The following BICD1 variants were observed in gnomAD, a reference collection of about 807,000 sequenced individuals.
BICD1 encodes the protein protein bicaudal D homolog 1.
BICD1 carries 35 observed loss-of-function variants against 92.5 expected under a neutral mutation model. The ratio of observed to expected loss-of-function variants is 0.38; its 90% confidence interval spans 0.29 to 0.50. The LOEUF (loss-of-function observed/expected upper bound fraction) is 0.50. BICD1 is among the 20% of genes least tolerant of loss of function. The pLI is 0.93. For synonymous variants in BICD1, 429 were observed against 465.1 expected (o/e 0.92, Z 1.00); for missense variants, 950 against 1,189.8 (o/e 0.80, Z 2.97).
rs140499922 is a variant in BICD1 at position 32,150,147 on chromosome 12, A to G, written c.213+42603A>G. Among the ~76,000 whole-genome samples the G allele has an allele frequency of 2.5e-3, 377 of 152,280 alleles. 1 individual carries two copies. The highest frequency in any genetic ancestry group is 8.6e-3 in the African/African-American group (357 of 41,548). On this transcript the variant is annotated intron_variant, in intron 1 of 9. Transcript: ENST00000652176. ...GGGAAAGACCTGTCCCCATGATTCA[A>G]TTACCTTCCACCGGGTCCCTCCTAC...
intron 1 of BICD1, among the ~76,000 whole-genome samples, chr12:32,110,058 T>C (rs1941628998): frequency 1.3e-5 from 2 of 152,230 alleles, no homozygotes; most frequent in African/African-American, 4.8e-5. Context: ...TGAACCAGTT[T>C]ATGGGAATGT....
intron 2 of BICD1, among the ~76,000 whole-genome samples, chr12:32,229,776 A>C (rs758684074): frequency 3.3e-5 from 5 of 152,190 alleles, no homozygotes; most frequent in African/African-American, 4.8e-5. Context: ...GCTCACGTGC[A>C]AGTTGTTGGG....
In BICD1 at chr12:32,294,031, A is replaced by G; in HGVS notation, c.464A>G (p.Lys155Arg). 1 of 1,613,304 alleles carries G rather than the reference A, an allele frequency of 6.2e-7. No individual in the cohort carries two copies. The highest frequency in any genetic ancestry group is 8.5e-7 in the Non-Finnish European group (1 of 1,179,800). The change falls in exon 3 of 10, where the codon AAG becomes AGG. Residue 155 changes from lysine (K) to arginine (R), a missense_variant. Around this residue, in one of 5 missense-constraint regions of BICD1, gnomAD observed 202 missense variants for 205.3 expected, o/e 0.98. Coordinates refer to ENST00000652176, the MANE Select transcript of BICD1 (RefSeq NM_001714.4). ...EMVELQRIRM[K>R]DEIREYKFRE... ...GTGGAGCTACAGAGAATACGGATGA[A>G]GGATGAAATCCGAGAATATAAGTTC...
Position 32,328,118 on chromosome 12 carries a change from C to G in BICD1, c.1663C>G (p.Pro555Ala), listed in dbSNP as rs748883894. The change falls in exon 5 of 10, where the codon CCC (proline) becomes GCC (alanine). Residue 555 changes from proline to alanine, a missense_variant. This residue lies in a region of BICD1 where 309 missense variants were observed against 499.4 expected (regional missense o/e 0.62). Transcript: ENST00000652176. This position sits in a 1 kb window ranked among gnomAD's most constrained non-coding sequence, Gnocchi z 4.4. Reference protein sequence around the residue: ...RSGSLKGPDDPRGLLSPRLAR... With the variant: ...RSGSLKGPDDARGLLSPRLAR... ...TGGCAGCCTGAAAGGGCCCGATGAT[C>G]CCAGAGGACTTTTGTCCCCACGATT... 4 of 1,614,038 alleles carry G rather than the reference C, an allele frequency of 2.5e-6. No homozygotes were observed. The Admixed American group carries it at 5.0e-5, about 20-fold the overall frequency.
rs780960219 is a variant in BICD1, at chr12:32,328,157, G to T, written c.1702G>T (p.Val568Leu). The T allele has an allele frequency of 5.6e-6, 9 of 1,614,054 alleles. No homozygotes were observed. The highest frequency in any genetic ancestry group is 7.6e-6 in the Non-Finnish European group (9 of 1,180,048). The change falls in exon 5 of 10, where the codon GTG (valine) becomes TTG (leucine). Residue 568 changes from valine to leucine, a missense_variant. By Grantham distance (32) the Val-to-Leu change is conservative. Coordinates refer to ENST00000652176, the MANE Select transcript of BICD1 (RefSeq NM_001714.4). The surrounding 1 kb of genome is among the most constrained non-coding windows in gnomAD (Gnocchi z 4.4). ...LLSPRLARRGVSSPVETRTSS... is the reference protein window; with the variant it reads ...LLSPRLARRGLSSPVETRTSS... ...GTCCCCACGATTAGCCAGGCGGGGT[G>T]TGTCATCCCCGGTAGAAACAAGGAC...
At chr12:32,264,413 C>A (rs1174944115) in intron 2 of BICD1, among the ~76,000 whole-genome samples, 1 of 152,172 alleles carries the variant, frequency 6.6e-6, no homozygotes, top group African/African-American at 2.4e-5. Context: ...GTTTACAATA[C>A]CTTCTCCATA....
chr12:32,157,009 A>G (rs534233841), intron 1 of BICD1, among the ~76,000 whole-genome samples: 1 of 152,362 alleles, frequency 6.6e-6, no homozygotes, highest in South Asian at 2.1e-4. Flanking sequence ...TAGTAAATAT[A>G]CAACACTTTG....
chr12:32,368,036 A>G, intron 9 of BICD1: 1 of 287,010 alleles, frequency 3.5e-6, no homozygotes, highest in East Asian at 6.0e-5. Context: ...ATTCCTTTCC[A>G]AAAAATAAAA....
In BICD1 at chr12:32,337,636, TA is replaced by T; in HGVS notation, c.2391del (p.Glu798SerfsTer24). ...KLALTQRLEDLEFDHEQSRRS... is the reference protein window; with the variant it reads ...KLALTQRLEDXEFDHEQSRRS... ...GCCCTGACCCAGAGGCTGGAGGACT[TA>T]GAGTTTGACCATGAGCAGTCCCGAC... On this transcript the variant is annotated frameshift_variant, in exon 7 of 10. Transcript: ENST00000652176. LOFTEE classifies it high-confidence loss of function. The surrounding 1 kb of genome is among the most constrained non-coding windows in gnomAD (Gnocchi z 4.7). The T allele has an allele frequency of 6.2e-7, 1 of 1,614,134 alleles. No individual in the cohort carries two copies. The highest frequency in any genetic ancestry group is 8.5e-7 in the Non-Finnish European group (1 of 1,180,012).
At chr12:32,221,238 TATA>T (rs1373501848) in intron 2 of BICD1, among the ~76,000 whole-genome samples, 1 of 150,408 alleles carries the variant, frequency 6.6e-6, no homozygotes, top group African/African-American at 2.4e-5. Flanking sequence ...AAACTTTAAG[TATA>T]ATAATAATAA....
intron 1 of BICD1, among the ~76,000 whole-genome samples, chr12:32,151,946 G>T (rs111526853): frequency 0.017 from 2,592 of 151,936 alleles, 30 homozygotes; most frequent in Admixed American, 0.023. Context: ...TTGTTTTTTT[G>T]TTGTTGTTGT....
rs1592698738 is a variant in BICD1, at chr12:32,341,973, G to A, written c.2764+2994G>A. ...ATATAAGAAATATCATAAGCCCATGGGAAATAGTAGATTTTATGAGTATTT... is the reference window on the plus strand; with the variant it reads ...ATATAAGAAATATCATAAGCCCATGAGAAATAGTAGATTTTATGAGTATTT... On this transcript the variant is annotated intron_variant, in intron 8 of 9. Coordinates refer to ENST00000652176, the MANE Select transcript of BICD1 (RefSeq NM_001714.4). Among the ~76,000 whole-genome samples, 8 of 151,428 alleles carry A rather than the reference G, an allele frequency of 5.3e-5. No individual in the cohort carries two copies. In the South Asian group the frequency reaches 1.5e-3, roughly 28 times the overall value.
At chr12:32,175,054 G>T (rs1944051987) in intron 1 of BICD1, among the ~76,000 whole-genome samples, 2 of 152,044 alleles carry the variant, frequency 1.3e-5, no homozygotes, top group Non-Finnish European at 1.5e-5. Context: ...CAAAGCTATT[G>T]ATTTTTTTCC....
intron 1 of BICD1, among the ~76,000 whole-genome samples, chr12:32,180,608 T>C (rs1410563956): frequency 2.0e-5 from 3 of 151,922 alleles, no homozygotes; most frequent in African/African-American, 7.2e-5. Context: ...AATAAGCCTT[T>C]TCCTTTAGTG....
intron 3 of BICD1, among the ~76,000 whole-genome samples, chr12:32,296,955 A>AG (rs913740135): frequency 1.3e-5 from 2 of 152,176 alleles, no homozygotes; most frequent in African/African-American, 4.8e-5. Flanking sequence ...TTTAAAAAGG[A>AG]GGGGGGACTT....
chr12:32,373,470 A>G (rs953558142), intron 9 of BICD1, among the ~76,000 whole-genome samples: 4 of 152,208 alleles, frequency 2.6e-5, no homozygotes, highest in Non-Finnish European at 5.9e-5. Context: ...TTAAATCATC[A>G]CGAATGATGT....
intron 2 of BICD1, among the ~76,000 whole-genome samples, chr12:32,235,895 G>T (rs553636049): frequency 3.3e-5 from 5 of 150,980 alleles, no homozygotes; most frequent in African/African-American, 4.9e-5. Context: ...TAGAGACAGG[G>T]TTTCACCATG....
chr12:32,113,964 C>A (rs113756173), intron 1 of BICD1, among the ~76,000 whole-genome samples: 2 of 151,568 alleles, frequency 1.3e-5, no homozygotes, highest in Non-Finnish European at 2.9e-5. Flanking sequence ...CTCTGCCTCC[C>A]GGGTTCAAGT....
At chr12:32,193,296 C>T (rs1184085542) in intron 1 of BICD1, among the ~76,000 whole-genome samples, 1 of 152,212 alleles carries the variant, frequency 6.6e-6, no homozygotes, top group African/African-American at 2.4e-5. Flanking sequence ...TTGTGACTCA[C>T]TGAAGACTTA....
Sources: gnomAD v4.1 joint callset for allele counts (sites outside exome capture counted in the v4.1 genomes callset) on GRCh38, gnomAD v4.1.1 for gene constraint, gnomAD v4.1.1 regional missense constraint, Gnocchi (gnomAD v3.1) non-coding constraint, MANE v1.5 for transcripts, NCBI Gene and HGNC (gene_info 2026-07-23, HGNC 2026-07-21) for gene names.